Variants in ZC3HC1 observed in about 807,000 individuals in gnomAD.
ZC3HC1 encodes the protein zinc finger C3HC-type containing 1, also known as zinc finger C3HC-type protein 1.
In ZC3HC1, 38 loss-of-function variants were observed where a neutral mutation model predicts 61.9. The observed-to-expected ratio is 0.61, with a 90% CI of 0.47 to 0.81. ZC3HC1 has a LOEUF of 0.81. ZC3HC1 is among the 30% of genes least tolerant of loss of function. ZC3HC1 has a pLI of 0.00. For missense variants in ZC3HC1, 554 were observed against 622.7 expected (o/e 0.89, Z 1.17); for synonymous variants, 213 against 229.9 (o/e 0.93, Z 0.67).
intron 1 of ZC3HC1, among the ~76,000 whole-genome samples, chr7:130,049,519 T>A (rs1355055614): frequency 6.6e-6 from 1 of 151,936 alleles, no homozygotes; most frequent in Non-Finnish European, 1.5e-5. Context: ...AAGTATGCAT[T>A]ATACAATTTG....
chr7:130,024,894 C>CTTT (rs544256735), intron 6 of ZC3HC1, among the ~76,000 whole-genome samples: 1 of 37,056 alleles, frequency 2.7e-5, no homozygotes, highest in Non-Finnish European at 4.6e-5. Context: ...TCCTGTCCCT[C>CTTT]TTTTTTTTTT....
Position 130,029,111 on chromosome 7 carries a change from C to G in ZC3HC1, c.494-82G>C, listed in dbSNP as rs1794063173. The stretch of plus-strand genomic sequence containing the variant: ...CACGGCTGGGCATGGTGGCTCATAC[C>G]TGTAATCCCAGCACTTTGGAAGGCC... On this transcript the variant is annotated intron_variant, in intron 4 of 9. Coordinates refer to ENST00000358303, the MANE Select transcript of ZC3HC1 (RefSeq NM_016478.5). 2.1e-6 allele frequency: 3 copies of G among 1,453,376 alleles called. No homozygotes were observed. In the African/African-American group the frequency reaches 4.3e-5, roughly 21 times the overall value. The allele number at this position is 1,453,376 out of a possible 1,614,324, so 90.0% of individuals were successfully genotyped here. A position where few individuals can be genotyped will look rare whatever the true frequency, so the allele number is the denominator to read the frequency against.
chr7:130,031,695 G>GC (rs1287540843), intron 4 of ZC3HC1, among the ~76,000 whole-genome samples: 1 of 152,156 alleles, frequency 6.6e-6, no homozygotes, highest in Non-Finnish European at 1.5e-5. Context: ...AAGGACATGT[G>GC]CAGGTATAGA....
intron 2 of ZC3HC1, chr7:130,043,397 A>T (rs1353988928): frequency 6.5e-6 from 1 of 153,002 alleles, no homozygotes; most frequent in Non-Finnish European, 1.5e-5. Flanking sequence ...AGGAATTTGA[A>T]AGACATTCCA....
At chr7:130,032,648 C>T (rs117394107) in intron 4 of ZC3HC1, among the ~76,000 whole-genome samples, 2,640 of 128,694 alleles carry the variant, frequency 0.021, 34 homozygotes, top group Non-Finnish European at 0.031. Flanking sequence ...GAGAGAGAAA[C>T]GTGTACTTGA....
intron 4 of ZC3HC1, 34 bp downstream of exon 4, chr7:130,039,430 A>C: frequency 6.4e-7 from 1 of 1,551,082 alleles, no homozygotes. Flanking sequence ...TGATGAAGGA[A>C]AAATGGTGAA....
intron 4 of ZC3HC1, among the ~76,000 whole-genome samples, chr7:130,032,860 G>A (rs1051802951): frequency 1.3e-5 from 2 of 150,468 alleles, no homozygotes; most frequent in African/African-American, 4.9e-5. Context: ...GAAGGAGGGA[G>A]GGAGGAAGGG....
chr7:130,029,186 C>G (rs1277273503), intron 4 of ZC3HC1, among the ~76,000 whole-genome samples, 157 bp from the exon 5 acceptor site: 2 of 151,992 alleles, frequency 1.3e-5, no homozygotes, highest in Non-Finnish European at 2.9e-5. Context: ...ACCTAGCCAA[C>G]CTAGAAACCC....
rs144709023 is a variant in ZC3HC1, at chr7:130,051,227, A to G, written c.140T>C (p.Val47Ala). Residue 47 changes from valine to alanine, a missense_variant, in exon 1 of 10, where the codon GTG becomes GCG. Val to Ala is a moderately conservative substitution (Grantham distance 64). Transcript: ENST00000358303. ...DEGIAPEEGG[V>A]DAKDTSATSQ... ...GGTTAACTCGTGAACTCACGCGTCC[A>G]CGCCTCCCTCTTCCGGGGCAATCCC... is the stretch of plus-strand genomic sequence containing the variant. 5.5e-5 allele frequency: 88 copies of G among 1,606,934 alleles called. No individual in the cohort carries two copies. In the Middle Eastern group the frequency reaches 6.6e-4, roughly 12 times the overall value.
chr7:130,033,501 GGA>G (rs1264814396), intron 4 of ZC3HC1, among the ~76,000 whole-genome samples: 3 of 135,014 alleles, frequency 2.2e-5, no homozygotes, highest in African/African-American at 8.7e-5. Context: ...CGCCCAGGCT[GGA>G]GTGCAGTGAC....
At position 130,028,832 on chromosome 7, in the gene ZC3HC1, A is replaced by G. The variant is rs573012250; in HGVS notation, c.621+70T>C. On this transcript the variant is annotated intron_variant, in intron 5 of 9. Transcript: ENST00000358303. Reference sequence around the variant, plus strand: ...CAGCAATTGCATCTTCTTGTCATTAAAAGAAATGCTTCAGGTATAAATGCT... The same window carrying G: ...CAGCAATTGCATCTTCTTGTCATTAGAAGAAATGCTTCAGGTATAAATGCT... 1.8e-5 allele frequency: 28 copies of G among 1,560,282 alleles called. No homozygotes were observed. In the East Asian group the frequency reaches 6.3e-4, roughly 35 times the overall value.
intron 3 of ZC3HC1, among the ~76,000 whole-genome samples, chr7:130,040,663 C>G (rs1794619611): frequency 6.7e-6 from 1 of 148,868 alleles, no homozygotes; most frequent in Admixed American, 6.7e-5. Flanking sequence ...CAAAAATTAG[C>G]CAGGTGTAGT....
chr7:130,044,375 A>G (rs1794791215), intron 2 of ZC3HC1, among the ~76,000 whole-genome samples: 1 of 152,142 alleles, frequency 6.6e-6, no homozygotes, highest in South Asian at 2.1e-4. Context: ...ATCCTTGTAA[A>G]ATTGGCTGAT....
At chr7:130,047,016 G>A (rs565609370) in intron 2 of ZC3HC1, among the ~76,000 whole-genome samples, 2 of 152,198 alleles carry the variant, frequency 1.3e-5, no homozygotes, top group African/African-American at 4.8e-5. Flanking sequence ...AGGCTGGAGT[G>A]CAGTGGCATG....
chr7:130,047,638 T>TACACAC (rs34052360), intron 2 of ZC3HC1, among the ~76,000 whole-genome samples: 6,215 of 138,134 alleles, frequency 0.045, 153 homozygotes, highest in Non-Finnish European at 0.061. Flanking sequence ...AGACTTTGTC[T>TACACAC]ACACACACAC....
intron 2 of ZC3HC1, among the ~76,000 whole-genome samples, chr7:130,044,408 T>G (rs2116765467): frequency 6.6e-6 from 1 of 151,940 alleles, no homozygotes; most frequent in Non-Finnish European, 1.5e-5. Context: ...GCAAGAAAAA[T>G]ACAAGATAAG....
intron 3 of ZC3HC1, 86 bp from the exon 4 acceptor site, chr7:130,039,633 C>T (rs948498708): frequency 1.0e-5 from 9 of 896,434 alleles, no homozygotes; most frequent in Non-Finnish European, 1.5e-5. Flanking sequence ...AGAGATTTAA[C>T]TAAAAATAAG....
intron 2 of ZC3HC1, 134 bp downstream of exon 2, chr7:130,048,899 T>A (rs1424411420): frequency 1.7e-6 from 1 of 585,448 alleles, no homozygotes; most frequent in East Asian, 3.3e-5. Context: ...CATATTAGGA[T>A]GCTGACTTTC....
intron 5 of ZC3HC1, among the ~76,000 whole-genome samples, chr7:130,028,187 A>G (rs1794009663): frequency 6.9e-6 from 1 of 144,380 alleles, no homozygotes; most frequent in Non-Finnish European, 1.5e-5. Context: ...AAAAAAAAAA[A>G]AAAAAAAAAA....
Sources: gnomAD v4.1 joint callset for allele counts (sites outside exome capture counted in the v4.1 genomes callset) on GRCh38, gnomAD v4.1.1 for gene constraint, MANE v1.5 for transcripts, NCBI Gene and HGNC (gene_info 2026-07-23, HGNC 2026-07-21) for gene names.